Variants in CPA3 observed in about 807,000 individuals in gnomAD.
The protein encoded by CPA3 is mast cell carboxypeptidase A.
A neutral mutation model predicts 55.8 loss-of-function variants in CPA3; 52 were observed. The ratio of observed to expected loss-of-function variants is 0.93; its 90% CI spans 0.75 to 1.17. The LOEUF is 1.17. Ranked by LOEUF, CPA3 falls within the 50% of genes most tolerant of loss-of-function variation. The pLI, the probability that CPA3 is intolerant of heterozygous loss-of-function variation, is 0.00. For missense variants in CPA3, 547 were observed against 509.1 expected, an observed-to-expected ratio of 1.07 and a Z score of -0.72; for synonymous variants, 179 against 171.2, an observed-to-expected ratio of 1.05 and a Z score of -0.36.
Position 148,878,526 on chromosome 3 carries a change from T to C in CPA3, c.355T>C (p.Tyr119His). 6.2e-7 allele frequency: 1 copy of C among 1,612,306 alleles called. No individual in the cohort carries two copies. The highest frequency in any genetic ancestry group is 2.2e-5 in the East Asian group (1 of 44,816). The change falls in exon 4 of 11, where the codon TAC (tyrosine) becomes CAC (histidine). Residue 119 changes from tyrosine to histidine, a missense_variant. Coordinates refer to ENST00000296046, the MANE Select transcript of CPA3 (RefSeq NM_001870.4). ...CCCAGGCAGGCACAGCTACGCAAAATACAATAATTGGGAAAAGGTACAGTA... is the reference window on the plus strand; with the variant it reads ...CCCAGGCAGGCACAGCTACGCAAAACACAATAATTGGGAAAAGGTACAGTA... ...DIPGRHSYAK[Y>H]NNWEKIVAWT... is the part of the protein sequence containing the mutation.
At chr3:148,896,444 A>G in intron 10 of CPA3, 76 bp from the exon 11 acceptor site, 1 of 1,244,762 alleles carries the variant, frequency 8.0e-7, no homozygotes, top group African/African-American at 1.5e-5. Flanking sequence ...ATTGCTAATT[A>G]TACACCACTG....
At chr3:148,892,381 G>A (rs978481396) in intron 10 of CPA3, among the ~76,000 whole-genome samples, 7 of 152,102 alleles carry the variant, frequency 4.6e-5, no homozygotes, top group Non-Finnish European at 1.0e-4. Context: ...AGCTGAGCAC[G>A]GTGGCTCATG....
chr3:148,872,961 G>A (rs1488414882), intron 3 of CPA3, among the ~76,000 whole-genome samples: 2 of 151,730 alleles, frequency 1.3e-5, no homozygotes, highest in African/African-American at 4.9e-5. Flanking sequence ...TATTTCATAG[G>A]GGTTTCATGA....
chr3:148,866,705 G>A (rs867786001), intron 2 of CPA3, among the ~76,000 whole-genome samples: 1 of 152,088 alleles, frequency 6.6e-6, no homozygotes, highest in Non-Finnish European at 1.5e-5. Context: ...CTAAGTAAGC[G>A]TTTGATAGCA....
chr3:148,875,415 C>A (rs1476919021), intron 3 of CPA3, among the ~76,000 whole-genome samples: 3 of 152,036 alleles, frequency 2.0e-5, no homozygotes, highest in Non-Finnish European at 4.4e-5. Flanking sequence ...CGATAATTTT[C>A]TGCCCTACAA....
At chr3:148,883,569 G>T in intron 8 of CPA3, 44 bp from the exon 9 acceptor site, 1 of 1,486,712 alleles carries the variant, frequency 6.7e-7, no homozygotes, top group Non-Finnish European at 9.4e-7. Context: ...GAGCTATATG[G>T]ATGGGGAGCA....
In CPA3 at chr3:148,868,959, T is replaced by G. The variant is rs17850953; in HGVS notation, c.189T>G (p.Asn63Lys). The G allele has an allele frequency of 2.5e-6, 4 of 1,614,138 alleles. No homozygotes were observed. Among genetic ancestry groups the G allele is most frequent in the Non-Finnish European group, 3.4e-6 (4 of 1,179,976 alleles). ...YPGATHHVAA[N>K]MMVDFRVSEK... ...GTGCCACCCACCACGTAGCTGCTAA[T>G]ATGATGGTGGATTTCCGAGTTAGTG... The change falls in exon 3 of 11, where the codon AAT becomes AAG. Residue 63 changes from asparagine (N) to lysine (K), a missense_variant. Transcript: ENST00000296046.
At chr3:148,869,827 G>C (rs940580534) in intron 3 of CPA3, 1 of 152,272 alleles carries the variant, frequency 6.6e-6, no homozygotes, top group African/African-American at 2.4e-5. Flanking sequence ...ATGCGCAGTG[G>C]CTCACGCCTG....
chr3:148,883,581 A>G, intron 8 of CPA3, 32 bp from the exon 9 acceptor site: 1 of 1,564,282 alleles, frequency 6.4e-7, no homozygotes, highest in Non-Finnish European at 8.8e-7. Context: ...TGGGGAGCAG[A>G]CTGTGGTCTC....
At chr3:148,879,111 G>T (rs1465948994) in intron 5 of CPA3, among the ~76,000 whole-genome samples, 1 of 152,152 alleles carries the variant, frequency 6.6e-6, no homozygotes, top group Non-Finnish European at 1.5e-5. Flanking sequence ...AGCATCATAG[G>T]ACTGTAGAAC....
At position 148,879,837 on chromosome 3, in the gene CPA3, T is replaced by C. The variant is rs1714308295; in HGVS notation, c.524T>C (p.Ile175Thr). The C allele has an allele frequency of 6.2e-7, 1 of 1,612,976 alleles. No individual in the cohort carries two copies. Among genetic ancestry groups the C allele is most frequent in the Non-Finnish European group, 8.5e-7 (1 of 1,179,100 alleles). The change falls in exon 6 of 11, where the codon ATT becomes ACT. Residue 175 changes from isoleucine (I) to threonine (T), a missense_variant. Coordinates refer to ENST00000296046, the MANE Select transcript of CPA3 (RefSeq NM_001870.4). ...RRKAIFTDCG[I>T]HAREWVSPAF... ...AAGGCTATTTTTACGGATTGTGGCA[T>C]TCACGCACGAGAATGGGTCTCCCCA...
At chr3:148,875,517 T>C (rs1215674908) in intron 3 of CPA3, among the ~76,000 whole-genome samples, 1 of 152,184 alleles carries the variant, frequency 6.6e-6, no homozygotes, top group African/African-American at 2.4e-5. Context: ...CACTGACCCA[T>C]GTTTTCTAAG....
intron 10 of CPA3, among the ~76,000 whole-genome samples, chr3:148,895,072 T>C (rs1333524130): frequency 6.6e-6 from 1 of 152,212 alleles, no homozygotes; most frequent in Non-Finnish European, 1.5e-5. Context: ...CATTTCACAC[T>C]ACTTCATAAC....
intron 3 of CPA3, among the ~76,000 whole-genome samples, chr3:148,872,630 A>G (rs375750854): frequency 6.6e-6 from 1 of 152,314 alleles, no homozygotes; most frequent in African/African-American, 2.4e-5. Context: ...AGGGATATAC[A>G]CAGTCCTATC....
chr3:148,868,813 G>A, intron 2 of CPA3, 102 bp from the exon 3 acceptor site: 1 of 1,320,542 alleles, frequency 7.6e-7, no homozygotes, highest in Admixed American at 2.2e-5. Flanking sequence ...GTTATGCTGA[G>A]CCCCAAATTC....
chr3:148,894,112 A>G (rs1714756177), intron 10 of CPA3, among the ~76,000 whole-genome samples: 1 of 152,232 alleles, frequency 6.6e-6, no homozygotes, highest in African/African-American at 2.4e-5. Flanking sequence ...AAATAAATAA[A>G]TTAAATAATA....
At chr3:148,870,423 G>A (rs1714031690) in intron 3 of CPA3, among the ~76,000 whole-genome samples, 2 of 152,060 alleles carry the variant, frequency 1.3e-5, no homozygotes, top group African/African-American at 4.8e-5. Flanking sequence ...TTTTATTTAT[G>A]ATATTGCCAC....
chr3:148,893,250 A>T (rs1480340850), intron 10 of CPA3, among the ~76,000 whole-genome samples: 3 of 151,702 alleles, frequency 2.0e-5, no homozygotes. Context: ...CATTAAAAAA[A>T]AAATGCCTCA....
At chr3:148,893,452 GAC>G (rs1351104793) in intron 10 of CPA3, among the ~76,000 whole-genome samples, 1 of 152,108 alleles carries the variant, frequency 6.6e-6, no homozygotes, top group African/African-American at 2.4e-5. Flanking sequence ...TGAACTTAAA[GAC>G]AGAGCAATAT....
Sources: allele counts gnomAD v4.1 joint callset (sites outside exome capture counted in the v4.1 genomes callset), GRCh38; gene constraint gnomAD v4.1.1; transcripts MANE v1.5; gene names NCBI Gene and HGNC (gene_info 2026-07-23, HGNC 2026-07-21).